Variants in KCNJ3 observed in about 807,000 individuals in gnomAD.
KCNJ3 encodes potassium inwardly rectifying channel subfamily J member 3.
KCNJ3 carries 4 observed loss-of-function variants against 39.2 expected under a neutral mutation model. That is an observed-to-expected ratio of 0.10 (90% CI 0.05 to 0.23). The LOEUF (loss-of-function observed/expected upper bound fraction) is 0.23, where lower values mean the gene tolerates loss of function less well. Among genes scored for constraint, KCNJ3 ranks in the 10% least tolerant of loss-of-function variants. The probability of loss-of-function intolerance (pLI) is 1.00; values close to 1 mark genes in which losing one functional copy is unlikely to be tolerated. For missense variants in KCNJ3, 276 were observed against 634.9 expected (o/e 0.43, Z 6.08); for synonymous variants, 230 against 237.4 (o/e 0.97, Z 0.29).
intron 2 of KCNJ3, among the ~76,000 whole-genome samples, chr2:154,797,149 G>C (rs992018270): frequency 6.6e-6 from 1 of 152,162 alleles, no homozygotes; most frequent in Non-Finnish European, 1.5e-5. Context: ...TCTAATGTGG[G>C]AGGTGTTTGG....
At chr2:154,768,549 T>C (rs1333470736) in intron 2 of KCNJ3, among the ~76,000 whole-genome samples, 1 of 152,184 alleles carries the variant, frequency 6.6e-6, no homozygotes, top group Non-Finnish European at 1.5e-5. Flanking sequence ...GGTCTATATC[T>C]CTGTTTTGGT....
chr2:154,843,431 C>T lies in KCNJ3; in HGVS notation c.920-11296C>T, dbSNP rs188096461. Among the ~76,000 whole-genome samples the T allele has an allele frequency of 2.9e-4, 44 of 152,186 alleles. No individual in the cohort carries two copies. In the East Asian group the frequency reaches 3.3e-3, roughly 11 times the overall value. On this transcript the variant is annotated intron_variant, in intron 2 of 2. Coordinates refer to ENST00000295101, the MANE Select transcript of KCNJ3 (RefSeq NM_002239.4). ...TTATGTGTCTTGGGGTTGCTCTTCT[C>T]GAGGAGTATCTTTGTGGTGTTCTCT...
intron 2 of KCNJ3, among the ~76,000 whole-genome samples, chr2:154,736,303 G>T (rs185099515): frequency 2.2e-4 from 29 of 133,928 alleles, no homozygotes; most frequent in Admixed American, 9.3e-4. Flanking sequence ...CAAGGAAACA[G>T]AATTATGTGC....
intron 2 of KCNJ3, among the ~76,000 whole-genome samples, chr2:154,726,168 A>G (rs1420597859): frequency 6.6e-6 from 1 of 152,188 alleles, no homozygotes; most frequent in African/African-American, 2.4e-5. Context: ...TCAGCGGAGT[A>G]AACAGACAAG....
intron 2 of KCNJ3, among the ~76,000 whole-genome samples, chr2:154,760,736 T>TTC (rs1491206828): frequency 1.6e-4 from 17 of 108,154 alleles, no homozygotes; most frequent in African/African-American, 5.1e-4. Context: ...CTTTTTTTTC[T>TTC]TTTTTTTTTT....
At chr2:154,789,277 G>A (rs559416495) in intron 2 of KCNJ3, among the ~76,000 whole-genome samples, 1 of 151,968 alleles carries the variant, frequency 6.6e-6, no homozygotes, top group African/African-American at 2.4e-5. Context: ...GGTCATGGGG[G>A]AAATTAAACT....
At chr2:154,817,973 T>C (rs947292656) in intron 2 of KCNJ3, among the ~76,000 whole-genome samples, 4 of 152,158 alleles carry the variant, frequency 2.6e-5, no homozygotes, top group African/African-American at 9.7e-5. Flanking sequence ...TTATTTCGTG[T>C]CTTGTAGAAA....
chr2:154,823,094 G>T (rs1687211978), intron 2 of KCNJ3, among the ~76,000 whole-genome samples: 1 of 151,838 alleles, frequency 6.6e-6, no homozygotes, highest in Non-Finnish European at 1.5e-5. Flanking sequence ...TTTGACTACT[G>T]GGAACCGAAA....
chr2:154,746,745 TCA>T (rs1685752190), intron 2 of KCNJ3, among the ~76,000 whole-genome samples: 1 of 151,330 alleles, frequency 6.6e-6, no homozygotes, highest in East Asian at 1.9e-4. Context: ...ACAAGAAAAT[TCA>T]TAAAGTCTTT....
intron 2 of KCNJ3, among the ~76,000 whole-genome samples, chr2:154,811,060 C>A (rs961703762): frequency 2.0e-5 from 3 of 152,152 alleles, no homozygotes; most frequent in Non-Finnish European, 2.9e-5. Flanking sequence ...GCTTGAACAA[C>A]TTTCTTCACC....
chr2:154,712,027 A>G (rs1685109334), intron 2 of KCNJ3, among the ~76,000 whole-genome samples: 2 of 152,094 alleles, frequency 1.3e-5, no homozygotes, highest in African/African-American at 4.8e-5. Context: ...TCTTAATTAA[A>G]CCTGTTTTCT....
chr2:154,713,010 A>G (rs1685126062), intron 2 of KCNJ3, among the ~76,000 whole-genome samples: 1 of 151,564 alleles, frequency 6.6e-6, no homozygotes, highest in African/African-American at 2.4e-5. Context: ...TCTGGGAACT[A>G]AAAAAAAGGT....
intron 2 of KCNJ3, among the ~76,000 whole-genome samples, chr2:154,762,580 G>C (rs1248021364): frequency 6.6e-6 from 1 of 152,086 alleles, no homozygotes; most frequent in Non-Finnish European, 1.5e-5. Flanking sequence ...TTCTCCTCTT[G>C]GGAACTTGGT....
intron 2 of KCNJ3, among the ~76,000 whole-genome samples, chr2:154,740,154 G>T (rs1432758119): frequency 1.3e-5 from 2 of 151,948 alleles, no homozygotes; most frequent in Non-Finnish European, 2.9e-5. Context: ...TCACATGCTT[G>T]TCAGTGTATT....
At chr2:154,803,527 A>C (rs1462813830) in intron 2 of KCNJ3, among the ~76,000 whole-genome samples, 1 of 151,498 alleles carries the variant, frequency 6.6e-6, no homozygotes, top group Non-Finnish European at 1.5e-5. Flanking sequence ...CAAAAGAATA[A>C]AGGTTGATAA....
At chr2:154,798,030 A>T (rs1182022926) in intron 2 of KCNJ3, among the ~76,000 whole-genome samples, 3 of 152,140 alleles carry the variant, frequency 2.0e-5, no homozygotes, top group Non-Finnish European at 4.4e-5. Flanking sequence ...CACCGTCAGC[A>T]CTATTCATAA....
intron 2 of KCNJ3, among the ~76,000 whole-genome samples, chr2:154,842,305 CA>C (rs1558888648): frequency 6.6e-6 from 1 of 152,134 alleles, no homozygotes; most frequent in Admixed American, 6.5e-5. Context: ...GTCTGAGAGA[CA>C]GTTTGTTGTG....
At chr2:154,741,265 C>T (rs1237734108) in intron 2 of KCNJ3, among the ~76,000 whole-genome samples, 2 of 151,844 alleles carry the variant, frequency 1.3e-5, no homozygotes, top group Non-Finnish European at 2.9e-5. Context: ...AGATATGAAC[C>T]CTTGCAGTCT....
At chr2:154,836,428 G>GT (rs201373171) in intron 2 of KCNJ3, among the ~76,000 whole-genome samples, 9,658 of 150,024 alleles carry the variant, frequency 0.064, 419 homozygotes, top group South Asian at 0.16. Context: ...GTGATTTTCT[G>GT]TTTTTTTTTC....
Sources: allele counts gnomAD v4.1 joint callset (sites outside exome capture counted in the v4.1 genomes callset), GRCh38; gene constraint gnomAD v4.1.1; transcripts MANE v1.5; gene names NCBI Gene and HGNC (gene_info 2026-07-23, HGNC 2026-07-21).